Variants in HMGB1 observed in about 807,000 individuals in gnomAD.
HMGB1 encodes the protein high mobility group box 1.
For missense variants in HMGB1, 79 were observed against 253.5 expected, an observed-to-expected ratio of 0.31 and a Z score of 4.67; for synonymous variants, 81 against 84.0, an observed-to-expected ratio of 0.96 and a Z score of 0.19.
intron 1 of HMGB1, chr13:30,542,643 G>A: frequency 5.3e-6 from 1 of 187,012 alleles, no homozygotes; most frequent in Non-Finnish European, 1.1e-5. Flanking sequence ...CAGCCTGGCT[G>A]GCTGGCTGAG....
intron 1 of HMGB1, chr13:30,465,058 G>GAA: frequency 9.0e-6 from 6 of 668,936 alleles, no homozygotes; most frequent in Non-Finnish European, 9.1e-6. Flanking sequence ...AAAGAGAGAG[G>GAA]AAAAAAAAAG....
chr13:30,546,963 G>A (rs1438281966), intron 1 of HMGB1, among the ~76,000 whole-genome samples: 1 of 152,172 alleles, frequency 6.6e-6, no homozygotes, highest in African/African-American at 2.4e-5. Context: ...ACTGGTCCAT[G>A]TGTCTCCCAT....
At chr13:30,500,598 G>C (rs1887713852) in intron 1 of HMGB1, among the ~76,000 whole-genome samples, 1 of 148,768 alleles carries the variant, frequency 6.7e-6, no homozygotes. Flanking sequence ...CTGGAGTGCA[G>C]TGGCATGATC....
upstream of HMGB1, among the ~76,000 whole-genome samples, chr13:30,467,481 G>T (rs1370620890): frequency 6.6e-6 from 1 of 152,028 alleles, no homozygotes; most frequent in Non-Finnish European, 1.5e-5. Context: ...TATAGTCTTG[G>T]TGAATGGACA....
intron 1 of HMGB1, among the ~76,000 whole-genome samples, chr13:30,506,148 A>G (rs1887861693): frequency 6.6e-6 from 1 of 152,180 alleles, no homozygotes; most frequent in Non-Finnish European, 1.5e-5. Flanking sequence ...CCAGGCCTCA[A>G]GCCCTTTCCA....
At chr13:30,494,485 CGG>C (rs1887567777) in intron 1 of HMGB1, among the ~76,000 whole-genome samples, 1 of 152,052 alleles carries the variant, frequency 6.6e-6, no homozygotes, top group African/African-American at 2.4e-5. Context: ...CCTCAGCCTC[CGG>C]TGTAGCTGGG....
intron 1 of HMGB1, among the ~76,000 whole-genome samples, chr13:30,547,828 G>C (rs1258093756): frequency 6.6e-6 from 1 of 152,082 alleles, no homozygotes; most frequent in Non-Finnish European, 1.5e-5. Flanking sequence ...GAAGCAGGGA[G>C]GATTGCTTGA....
intron 1 of HMGB1, among the ~76,000 whole-genome samples, chr13:30,586,097 GCT>G (rs1871132671): frequency 6.6e-6 from 1 of 152,070 alleles, no homozygotes. Context: ...ACTGGGTCTT[GCT>G]CTGTCACCCA....
At chr13:30,558,133 G>C (rs992801925) in intron 1 of HMGB1, among the ~76,000 whole-genome samples, 1 of 152,148 alleles carries the variant, frequency 6.6e-6, no homozygotes, top group Non-Finnish European at 1.5e-5. Context: ...GATTTGAGTT[G>C]CTGCTTCTTG....
At chr13:30,511,080 A>C (rs1887981832) in intron 1 of HMGB1, among the ~76,000 whole-genome samples, 1 of 152,208 alleles carries the variant, frequency 6.6e-6, no homozygotes, top group Non-Finnish European at 1.5e-5. Context: ...ACACATATAC[A>C]GTGCTTATAA....
intron 1 of HMGB1, among the ~76,000 whole-genome samples, chr13:30,586,146 G>A (rs1871134824): frequency 6.6e-6 from 1 of 151,886 alleles, no homozygotes; most frequent in Non-Finnish European, 1.5e-5. Flanking sequence ...GCTCACTGCA[G>A]CCTTAACCTC....
chr13:30,536,934 C>G (rs1459686928), intron 1 of HMGB1, among the ~76,000 whole-genome samples: 1 of 152,214 alleles, frequency 6.6e-6, no homozygotes, highest in Non-Finnish European at 1.5e-5. Flanking sequence ...GCCCGCAGCT[C>G]TACAGCTGCT....
intron 1 of HMGB1, among the ~76,000 whole-genome samples, chr13:30,590,870 C>A (rs1871338597): frequency 6.6e-6 from 1 of 152,130 alleles, no homozygotes; most frequent in South Asian, 2.1e-4. Flanking sequence ...GAATCTGCCA[C>A]ATCTTGATTT....
At chr13:30,610,274 CCT>C (rs1003702032) in intron 1 of HMGB1, among the ~76,000 whole-genome samples, 5 of 152,162 alleles carry the variant, frequency 3.3e-5, no homozygotes, top group East Asian at 1.9e-4. Context: ...GTCCCTAACC[CCT>C]GTGTTGCTCA....
chr13:30,550,997 C>T (rs1869401419), intron 1 of HMGB1, among the ~76,000 whole-genome samples: 1 of 152,206 alleles, frequency 6.6e-6, no homozygotes, highest in East Asian at 1.9e-4. Context: ...ACCAGCCCAA[C>T]AGGTGTTAGG....
chr13:30,597,008 T>C (rs1871642747), intron 1 of HMGB1, among the ~76,000 whole-genome samples: 1 of 152,214 alleles, frequency 6.6e-6, no homozygotes. Flanking sequence ...AGCTGTATGA[T>C]TTGAATGACT....
chr13:30,465,487 ATTT>A (rs937545833), intron 1 of HMGB1, among the ~76,000 whole-genome samples: 2 of 148,580 alleles, frequency 1.3e-5, no homozygotes, highest in Admixed American at 1.3e-4. Context: ...CACGTTCAAA[ATTT>A]TTTTAATTAA....
rs565470201 is a variant in HMGB1, at chr13:30,494,963, A to G, written c.-14-31269T>C. Among the ~76,000 whole-genome samples the G allele has an allele frequency of 5.3e-5, 8 of 152,290 alleles. No homozygotes were observed. In the South Asian group the frequency reaches 1.7e-3, roughly 32 times the overall value. On this transcript the variant is annotated intron_variant, in intron 1 of 4. Transcript: ENST00000405805. The stretch of plus-strand genomic sequence containing the variant: ...TGATTGGTTTATTTTACTTAACACA[A>G]TGTCCTCAATGTTCATCCATGTTGT...
At chr13:30,579,485 CTATAA>C (rs767577933) in intron 1 of HMGB1, among the ~76,000 whole-genome samples, 43 of 152,146 alleles carry the variant, frequency 2.8e-4, no homozygotes, top group Non-Finnish European at 5.9e-4. Context: ...ATAACCTCAG[CTATAA>C]TATAAGTCTA....
Sources: allele counts gnomAD v4.1 joint callset (sites outside exome capture counted in the v4.1 genomes callset), GRCh38; gene constraint gnomAD v4.1.1; transcripts MANE v1.5; gene names NCBI Gene and HGNC (gene_info 2026-07-23, HGNC 2026-07-21).